The following CAGE1 variants were observed in gnomAD, a reference collection of about 807,000 sequenced individuals.
CAGE1 encodes cancer antigen 1.
A neutral mutation model predicts 94.9 loss-of-function variants in CAGE1; 66 were observed. The ratio of observed to expected loss-of-function variants is 0.70; its 90% CI spans 0.57 to 0.85. The LOEUF (loss-of-function observed/expected upper bound fraction) is 0.85, where lower values mean the gene tolerates loss of function less well. CAGE1 is among the 40% of genes least tolerant of loss of function. CAGE1 has a pLI of 0.00. For synonymous variants in CAGE1, 319 were observed against 321.0 expected, an observed-to-expected ratio of 0.99 and a Z score of 0.07; for missense variants, 865 against 950.4, an observed-to-expected ratio of 0.91 and a Z score of 1.18.
chr6:7,365,438 A>C, intron 9 of CAGE1, 30 bp downstream of exon 9: 1 of 1,563,106 alleles, frequency 6.4e-7, no homozygotes, highest in Non-Finnish European at 8.8e-7. Context: ...GTATAAAAAT[A>C]ATAGCAAGGT....
In CAGE1 at chr6:7,339,604, T is replaced by C. The variant is rs1211578312; in HGVS notation, c.2370-5514A>G. The C allele has an allele frequency of 2.9e-6, 2 of 700,412 alleles. No homozygotes were observed. The highest frequency in any genetic ancestry group is 3.5e-5 in the African/African-American group (2 of 57,402). The allele number at this position is 700,412 out of a possible 1,614,324, so 43.4% of individuals were successfully genotyped here. A position where few individuals can be genotyped will look rare whatever the true frequency, so the allele number is the denominator to read the frequency against. ...TGCTCCGCTGAAAGGAAAGGCACTG[T>C]ATCATTCTTATGCCTTTGTGTCCTC... On this transcript the variant is annotated intron_variant, in intron 11 of 13. Coordinates refer to ENST00000502583, the MANE Select transcript of CAGE1 (RefSeq NM_001170692.2). The surrounding 1 kb of genome is among the most constrained non-coding windows in gnomAD (Gnocchi z 4.7).
intron 11 of CAGE1, chr6:7,340,789 G>A (rs1759138517): frequency 8.2e-6 from 3 of 366,458 alleles, no homozygotes; most frequent in South Asian, 5.5e-5. Flanking sequence ...TACTCGTTGG[G>A]AGGCAGACAG....
At chr6:7,344,341 A>G (rs1759323063) in intron 11 of CAGE1, among the ~76,000 whole-genome samples, 2 of 152,368 alleles carry the variant, frequency 1.3e-5, no homozygotes, top group African/African-American at 2.4e-5. Flanking sequence ...AGCCCGGGCA[A>G]TGAGGGGTTT....
chr6:7,341,292 G>T, intron 11 of CAGE1: 1 of 666,446 alleles, frequency 1.5e-6, no homozygotes, highest in Non-Finnish European at 2.8e-6. Context: ...TGTAAACAGA[G>T]TACCAAAGAG....
At chr6:7,336,466 G>C (rs1486551278) in intron 11 of CAGE1, among the ~76,000 whole-genome samples, 1 of 152,134 alleles carries the variant, frequency 6.6e-6, no homozygotes. Context: ...ACTGAATGGA[G>C]TATAATGAGT....
rs563574052 is a variant in CAGE1 at position 7,344,679 on chromosome 6, C to CA, written c.2369+10361_2369+10362insT. Reference sequence around the variant, plus strand: ...CCACTGGGTGAAGCCAGCTGAGCTTCTGAGTCTGGTGGGAAGGTGGAGAAC... The same window carrying CA: ...CCACTGGGTGAAGCCAGCTGAGCTTCATGAGTCTGGTGGGAAGGTGGAGAAC... On this transcript the variant is annotated intron_variant, in intron 11 of 13. Transcript: ENST00000502583. Among the ~76,000 whole-genome samples, 198 of 152,342 alleles carry CA rather than the reference C, an allele frequency of 1.3e-3. 1 individual carries two copies. The highest frequency in any genetic ancestry group is 4.1e-3 in the African/African-American group (171 of 41,576).
rs1758554097 is a variant in CAGE1 at position 7,326,688 on chromosome 6, T to C, written c.*170A>G. 3.2e-6 allele frequency: 2 copies of C among 624,346 alleles called. No individual in the cohort carries two copies. Among genetic ancestry groups the C allele is most frequent in the Admixed American group, 6.1e-5 (2 of 32,688 alleles). 38.7% of individuals were successfully genotyped at this position (624,346 alleles called of 1,614,324 possible). A position where few individuals can be genotyped will look rare whatever the true frequency, so the allele number is the denominator to read the frequency against. On this transcript the variant is annotated 3_prime_UTR_variant, in exon 14 of 14. Transcript: ENST00000502583. Reference sequence around the variant, plus strand: ...TGTTAAATAGAATATATTTGATTATTCACAGGAAGAAATTAGAAGAAAAGT... The same window carrying C: ...TGTTAAATAGAATATATTTGATTATCCACAGGAAGAAATTAGAAGAAAAGT...
intron 9 of CAGE1, among the ~76,000 whole-genome samples, chr6:7,359,108 A>C (rs1229480264): frequency 6.6e-6 from 1 of 151,760 alleles, no homozygotes; most frequent in Non-Finnish European, 1.5e-5. Flanking sequence ...GTGCAATGGC[A>C]CAATCTTGGC....
chr6:7,384,532 C>T (rs557356202), intron 3 of CAGE1, among the ~76,000 whole-genome samples: 3 of 152,046 alleles, frequency 2.0e-5, no homozygotes, highest in South Asian at 2.1e-4. Context: ...TTTGGGACAC[C>T]GAGGCAGGAG....
In CAGE1 at chr6:7,368,731, T is replaced by C. The variant is rs1162878417; in HGVS notation, c.1961A>G (p.Lys654Arg). 6.4e-7 allele frequency: 1 copy of C among 1,556,870 alleles called. No individual in the cohort carries two copies. The highest frequency in any genetic ancestry group is 8.7e-7 in the Non-Finnish European group (1 of 1,149,496). ...CTTTTTAAGATGGAGGCTCTTCAGT[T>C]TTTGCAGCATTATATCACTAACCTT... ...SEKVSDIMLQ[K>R]LKSLHLKKKT... The change falls in exon 7 of 14, where the codon AAA (lysine) becomes AGA (arginine). Residue 654 changes from lysine to arginine, a missense_variant. Lys to Arg is a conservative substitution (Grantham distance 26, BLOSUM62 2). Coordinates refer to ENST00000502583, the MANE Select transcript of CAGE1 (RefSeq NM_001170692.2).
chr6:7,350,556 G>C (rs910414968), intron 11 of CAGE1, among the ~76,000 whole-genome samples: 1 of 152,088 alleles, frequency 6.6e-6, no homozygotes, highest in Admixed American at 6.6e-5. Flanking sequence ...ATTATATCAA[G>C]CACTCTCTCA....
chr6:7,340,716 A>T (rs1311535234), intron 11 of CAGE1: 2 of 210,444 alleles, frequency 9.5e-6, no homozygotes, highest in Non-Finnish European at 1.9e-5. Flanking sequence ...ACAAAAATAC[A>T]CCCCAGGCTT....
intron 11 of CAGE1, among the ~76,000 whole-genome samples, chr6:7,347,839 A>G (rs994787847): frequency 2.6e-5 from 4 of 152,028 alleles, no homozygotes; most frequent in African/African-American, 9.7e-5. Flanking sequence ...CAGCAGAGGC[A>G]GCCATAATCC....
At chr6:7,372,739 G>A (rs548522088) in intron 5 of CAGE1, among the ~76,000 whole-genome samples, 1 of 152,086 alleles carries the variant, frequency 6.6e-6, no homozygotes, top group Admixed American at 6.5e-5. Flanking sequence ...CACAATCATA[G>A]CTCACTGCAG....
chr6:7,372,167 A>G (rs186621145), intron 5 of CAGE1, among the ~76,000 whole-genome samples: 402 of 152,212 alleles, frequency 2.6e-3, no homozygotes, highest in Admixed American at 5.4e-3. Context: ...AACTTAGAAA[A>G]TCTTTTCTCA....
chr6:7,333,009 GGCACGATCTCA>G (rs1053962873), intron 12 of CAGE1, among the ~76,000 whole-genome samples: 2 of 151,842 alleles, frequency 1.3e-5, no homozygotes, highest in Non-Finnish European at 2.9e-5. Flanking sequence ...GTAGTGCAGT[GGCACGATCTCA>G]GCTCACTGCA....
chr6:7,364,465 T>TTTTGTTTG (rs542853858), intron 9 of CAGE1, among the ~76,000 whole-genome samples: 1 of 152,100 alleles, frequency 6.6e-6, no homozygotes, highest in Non-Finnish European at 1.5e-5. Context: ...ATTACTGGTT[T>TTTTGTTTG]TTTGTTTGTT....
intron 11 of CAGE1, among the ~76,000 whole-genome samples, chr6:7,350,732 T>C (rs1239803374): frequency 6.6e-6 from 1 of 152,074 alleles, no homozygotes; most frequent in Non-Finnish European, 1.5e-5. Flanking sequence ...TGACAGAACC[T>C]ATCAAAACCT....
At chr6:7,328,191 C>T (rs2113331304) in intron 13 of CAGE1, among the ~76,000 whole-genome samples, 1 of 152,236 alleles carries the variant, frequency 6.6e-6, no homozygotes, top group East Asian at 1.9e-4. Flanking sequence ...GTCCTGGGTC[C>T]CAAGTCTAAC....
Sources: gnomAD v4.1 joint callset for allele counts (sites outside exome capture counted in the v4.1 genomes callset) on GRCh38, gnomAD v4.1.1 for gene constraint, Gnocchi (gnomAD v3.1) non-coding constraint, MANE v1.5 for transcripts, NCBI Gene and HGNC (gene_info 2026-07-23, HGNC 2026-07-21) for gene names.